The following PMS2 variants were observed in gnomAD, a reference collection of about 807,000 sequenced individuals.
PMS2 encodes the protein PMS1 homolog 2, mismatch repair system component, also known as mismatch repair endonuclease PMS2.
A neutral mutation model predicts 90.0 loss-of-function variants in PMS2; 69 were observed. That is an observed-to-expected ratio of 0.77 (90% confidence interval 0.63 to 0.94). PMS2 has a LOEUF of 0.94. Ranked by LOEUF, PMS2 falls within the 40% of genes least tolerant of loss-of-function variation. The pLI is 0.00. For missense variants in PMS2, 966 were observed against 1,040.2 expected (o/e 0.93, Z 0.98); for synonymous variants, 332 against 375.1 (o/e 0.89, Z 1.33).
chr7:5,983,384 C>T (rs1782515893), intron 11 of PMS2, among the ~76,000 whole-genome samples: 1 of 151,514 alleles, frequency 6.6e-6, no homozygotes, highest in Admixed American at 6.6e-5. Flanking sequence ...GCTGGGATTA[C>T]AGGCGTGAGC....
intron 12 of PMS2, among the ~76,000 whole-genome samples, chr7:5,981,039 C>T (rs1331440457): frequency 4.6e-5 from 7 of 151,628 alleles, no homozygotes; most frequent in African/African-American, 7.3e-5. Context: ...TACTTCACTA[C>T]GTGGTTTAAT....
intron 14 of PMS2, among the ~76,000 whole-genome samples, chr7:5,976,679 C>CT (rs1449553853): frequency 1.5e-5 from 2 of 130,966 alleles, no homozygotes; most frequent in African/African-American, 5.3e-5. Context: ...AGCAGCAAAT[C>CT]TTTATCTCCC....
intron 4 of PMS2, among the ~76,000 whole-genome samples, chr7:6,003,018 G>A (rs544163595): frequency 2.0e-5 from 3 of 152,118 alleles, no homozygotes; most frequent in Non-Finnish European, 4.4e-5. Context: ...GTAGGGCAGA[G>A]CGTGGTGGCT....
At chr7:6,004,681 C>CTAT (rs926576567) in intron 2 of PMS2, among the ~76,000 whole-genome samples, 1 of 142,922 alleles carries the variant, frequency 7.0e-6, no homozygotes, top group African/African-American at 2.6e-5. Flanking sequence ...TGCCATTGCA[C>CTAT]TATAGCCTGG....
In PMS2 at chr7:6,002,527, T is replaced by C. The variant is rs2128817161; in HGVS notation, c.463A>G (p.Thr155Ala). The C allele has an allele frequency of 6.2e-7, 1 of 1,611,768 alleles. No homozygotes were observed. Among genetic ancestry groups the C allele is most frequent in the Non-Finnish European group, 8.5e-7 (1 of 1,179,638 alleles). The change falls in exon 5 of 15, where the codon ACC becomes GCC. Residue 155 changes from threonine to alanine, a missense_variant. By Grantham distance (58) the Thr-to-Ala change is moderately conservative. Transcript: ENST00000265849. Reference protein sequence around the residue: ...QKTPYPRPRGTTVSVQQLFST... With the variant: ...QKTPYPRPRGATVSVQQLFST... Reference sequence around the variant, plus strand: ...AATAACTGCTGCACGCTGACTGTGGTCCCTCTGGGGCGGGGGTAGGGGGTT... The same window carrying C: ...AATAACTGCTGCACGCTGACTGTGGCCCCTCTGGGGCGGGGGTAGGGGGTT...
At chr7:5,987,939 G>C (rs1783231124) in intron 10 of PMS2, among the ~76,000 whole-genome samples, 1 of 150,954 alleles carries the variant, frequency 6.6e-6, no homozygotes, top group Non-Finnish European at 1.5e-5. Flanking sequence ...TGTCATCCCA[G>C]CTACTTGGGA....
chr7:6,003,739 C>A lies in PMS2; in HGVS notation c.304G>T (p.Glu102Ter). ...GCTTCCCCCCGAAAGCCAAAAGTTT[C>A]AACCTGAGTTAGGTCGGCAAACTCT... ...IQEFADLTQV[E>*]TFGFRGEALS... Residue 102 changes from glutamate to a stop codon, truncating the protein, a stop_gained, in exon 4 of 15, where the codon GAA becomes TAA. Coordinates refer to ENST00000265849, the MANE Select transcript of PMS2 (RefSeq NM_000535.7). LOFTEE classifies it high-confidence loss of function. 6.2e-7 allele frequency: 1 copy of A among 1,602,148 alleles called. No homozygotes were observed. Among genetic ancestry groups the A allele is most frequent in the African/African-American group, 1.3e-5 (1 of 75,010 alleles).
intron 8 of PMS2, among the ~76,000 whole-genome samples, chr7:5,995,327 G>A (rs1296252454): frequency 3.3e-5 from 5 of 152,166 alleles, no homozygotes; most frequent in Non-Finnish European, 7.3e-5. Context: ...ATGAGCCACT[G>A]CGCCCGGACA....
chr7:6,006,109 C>T, intron 1 of PMS2, 78 bp from the exon 2 acceptor site: 1 of 1,473,126 alleles, frequency 6.8e-7, no homozygotes, highest in East Asian at 2.3e-5. Flanking sequence ...TGGGAAATGA[C>T]TCAACACTGT....
intron 8 of PMS2, among the ~76,000 whole-genome samples, chr7:5,995,106 C>T (rs955193047): frequency 6.6e-6 from 1 of 152,040 alleles, no homozygotes; most frequent in Non-Finnish European, 1.5e-5. Flanking sequence ...GGCATAATCT[C>T]GGCTTACTGC....
At chr7:5,982,079 G>A (rs1462431267) in intron 12 of PMS2, among the ~76,000 whole-genome samples, 3 of 151,294 alleles carry the variant, frequency 2.0e-5, no homozygotes, top group East Asian at 1.9e-4. Context: ...GCAGTGGTGC[G>A]ATCTCGGCTC....
In PMS2 at chr7:5,999,279, T is replaced by C; in HGVS notation, c.538-4A>G. ...CCTGGACCATTTTGGCATACTCCTG[T>C]TTAAAAAACACAAACACAATATTCT... On this transcript the variant is annotated splice_region_variant and splice_polypyrimidine_tract_variant and intron_variant, in intron 5 of 14. Coordinates refer to ENST00000265849, the MANE Select transcript of PMS2 (RefSeq NM_000535.7). The C allele has an allele frequency of 1.9e-6, 3 of 1,612,050 alleles. No individual in the cohort carries two copies. Among genetic ancestry groups the C allele is most frequent in the Non-Finnish European group, 2.5e-6 (3 of 1,178,158 alleles).
In PMS2 at chr7:5,999,009, A is replaced by G. The variant is rs922928924; in HGVS notation, c.705+99T>C. 22 of 1,245,162 alleles carry G rather than the reference A, an allele frequency of 1.8e-5. No homozygotes were observed. The Admixed American group carries it at 3.5e-4, about 20-fold the overall frequency. The allele number at this position is 1,245,162 out of a possible 1,614,324, so 77.1% of individuals were successfully genotyped here. A position where few individuals can be genotyped will look rare whatever the true frequency, so the allele number is the denominator to read the frequency against. Reference sequence around the variant, plus strand: ...CCTCTCAAAAAAAAAAAAAAAATCAATTCTAAGATTTTATTCTCCATTCTA... The same window carrying G: ...CCTCTCAAAAAAAAAAAAAAAATCAGTTCTAAGATTTTATTCTCCATTCTA... On this transcript the variant is annotated intron_variant, in intron 6 of 14. Coordinates refer to ENST00000265849, the MANE Select transcript of PMS2 (RefSeq NM_000535.7).
chr7:6,006,787 C>G (rs532503386), intron 1 of PMS2, among the ~76,000 whole-genome samples: 12 of 152,130 alleles, frequency 7.9e-5, no homozygotes, highest in Non-Finnish European at 1.2e-4. Context: ...CCTTTGATAC[C>G]CCACTCCAAA....
chr7:5,999,418 A>G lies in PMS2; in HGVS notation c.538-143T>C, dbSNP rs1318001422. Reference sequence around the variant, plus strand: ...ACTGTTGACAGAATGATCTGTAAAGAGGTGTCTTCCTATATTCTACAGAAA... The same window carrying G: ...ACTGTTGACAGAATGATCTGTAAAGGGGTGTCTTCCTATATTCTACAGAAA... On this transcript the variant is annotated intron_variant, in intron 5 of 14. Coordinates refer to ENST00000265849, the MANE Select transcript of PMS2 (RefSeq NM_000535.7). 3.8e-6 allele frequency: 3 copies of G among 790,636 alleles called. No homozygotes were observed. In the African/African-American group the frequency reaches 5.1e-5, roughly 14 times the overall value. The allele number at this position is 790,636 out of a possible 1,614,324, so 49.0% of individuals were successfully genotyped here. A position where few individuals can be genotyped will look rare whatever the true frequency, so the allele number is the denominator to read the frequency against.
chr7:5,996,590 AATAT>A (rs1554301106), intron 7 of PMS2, among the ~76,000 whole-genome samples: 1 of 110,200 alleles, frequency 9.1e-6, no homozygotes, highest in African/African-American at 3.8e-5. Flanking sequence ...AAAAAAAAAA[AATAT>A]ATATATATAT....
At chr7:5,995,725 C>G in intron 7 of PMS2, 92 bp from the exon 8 acceptor site, 1 of 894,512 alleles carries the variant, frequency 1.1e-6, no homozygotes. Flanking sequence ...GAAATGAAAA[C>G]AAAACACCAG....
intron 6 of PMS2, among the ~76,000 whole-genome samples, chr7:5,998,693 C>CA (rs1170781204): frequency 0.07 from 7,071 of 101,274 alleles, 612 homozygotes; most frequent in African/African-American, 0.22. Context: ...GACTCCAGCT[C>CA]AAAAAAAAAA....
At position 5,995,547 on chromosome 7, in the gene PMS2, C is replaced by T. The variant is rs869312802; in HGVS notation, c.890G>A (p.Cys297Tyr). Residue 297 changes from cysteine (C) to tyrosine (Y), a missense_variant, in exon 8 of 15, where the codon TGT becomes TAT. Physicochemically the swap from Cys to Tyr is radical, Grantham distance 194. Transcript: ENST00000265849. ...RQFFFINRRP[C>Y]DPAKVCRLVN... is the part of the protein sequence containing the mutation. ...AATTTTAAATACCTTTGCTGGGTCA[C>T]AAGGCCGCCGGTTGATAAAGAAAAA... is the stretch of plus-strand genomic sequence containing the variant. 2 of 1,613,074 alleles carry T rather than the reference C, an allele frequency of 1.2e-6. No individual in the cohort carries two copies. Among genetic ancestry groups the T allele is most frequent in the African/African-American group, 2.7e-5 (2 of 74,902 alleles).
Sources: gnomAD v4.1 joint callset for allele counts (sites outside exome capture counted in the v4.1 genomes callset) on GRCh38, gnomAD v4.1.1 for gene constraint, MANE v1.5 for transcripts, NCBI Gene and HGNC (gene_info 2026-07-23, HGNC 2026-07-21) for gene names.